The following WDR41 variants were observed in gnomAD, a reference collection of about 807,000 sequenced individuals.
WDR41 encodes the protein WD repeat domain 41.
WDR41 carries 63 observed loss-of-function variants against 69.3 expected under a neutral mutation model. That is an observed-to-expected ratio of 0.91 (90% CI 0.74 to 1.12). The LOEUF is 1.12. Among genes scored for constraint, WDR41 ranks in the 50% most tolerant of loss-of-function variants. The probability of loss-of-function intolerance (pLI) is 0.00; values close to 1 mark genes in which losing one functional copy is unlikely to be tolerated. For missense variants in WDR41, 543 were observed against 534.5 expected, an observed-to-expected ratio of 1.02 and a Z score of -0.16; for synonymous variants, 185 against 192.1, an observed-to-expected ratio of 0.96 and a Z score of 0.31.
chr5:77,590,087 GTTTT>G (rs1310693458), intron 1 of WDR41, among the ~76,000 whole-genome samples: 1 of 151,926 alleles, frequency 6.6e-6, no homozygotes, highest in Non-Finnish European at 1.5e-5. Context: ...TATGGAGGAG[GTTTT>G]TTGTCTTTTA....
At chr5:77,610,487 TG>T (rs1401792531) in intron 1 of WDR41, among the ~76,000 whole-genome samples, 2 of 151,808 alleles carry the variant, frequency 1.3e-5, no homozygotes, top group East Asian at 3.9e-4. Flanking sequence ...CAGAAGAGAG[TG>T]GGGGCCAATA....
chr5:77,591,374 C>T (rs1284585655), intron 1 of WDR41, among the ~76,000 whole-genome samples: 1 of 151,986 alleles, frequency 6.6e-6, no homozygotes, highest in Non-Finnish European at 1.5e-5. Context: ...TTTATTTTCT[C>T]TATTGTACCT....
intron 1 of WDR41, among the ~76,000 whole-genome samples, chr5:77,587,045 C>G (rs1221066002): frequency 5.0e-5 from 1 of 20,054 alleles, no homozygotes; most frequent in African/African-American, 9.7e-4. Context: ...GGTTAACCTA[C>G]TCATGAAACC....
chr5:77,594,696 CT>C (rs1744194733), intron 1 of WDR41, among the ~76,000 whole-genome samples: 2 of 152,172 alleles, frequency 1.3e-5, no homozygotes, highest in South Asian at 4.1e-4. Flanking sequence ...CAACCTTCTC[CT>C]TTCTATGGTA....
At position 77,526,751 on chromosome 5, in the gene WDR41, T is replaced by G. The variant is rs115059449; in HGVS notation, c.43-37179A>C. Among the ~76,000 whole-genome samples the G allele has an allele frequency of 4.7e-3, 719 of 152,246 alleles. 1 individual carries two copies. The highest frequency in any genetic ancestry group is 0.017 in the African/African-American group (693 of 41,566). On this transcript the variant is annotated intron_variant, in intron 1 of 5. Transcript: ENST00000509971. The stretch of plus-strand genomic sequence containing the variant: ...ATTCCATTAAAAAGGCCTTTTTATA[T>G]CACAGATAAAATCACACTTGCTATA...
At chr5:77,528,730 A>G (rs556044283) in intron 1 of WDR41, among the ~76,000 whole-genome samples, 1 of 151,796 alleles carries the variant, frequency 6.6e-6, no homozygotes, top group African/African-American at 2.4e-5. Flanking sequence ...GTACTAACAC[A>G]CTAAAACCAA....
chr5:77,578,533 T>TG (rs2112286091), intron 1 of WDR41, among the ~76,000 whole-genome samples: 1 of 152,242 alleles, frequency 6.6e-6, no homozygotes, highest in East Asian at 1.9e-4. Flanking sequence ...GTGGATTTAA[T>TG]GGAAAAGACT....
chr5:77,450,496 A>G (rs537668032), intron 7 of WDR41, among the ~76,000 whole-genome samples: 1 of 152,340 alleles, frequency 6.6e-6, no homozygotes, highest in South Asian at 2.1e-4. Flanking sequence ...AAACTAGTAT[A>G]AATCCTAACT....
chr5:77,620,052 G>A (rs1359950859), intron 1 of WDR41, among the ~76,000 whole-genome samples: 1 of 152,048 alleles, frequency 6.6e-6, no homozygotes, highest in Non-Finnish European at 1.5e-5. Context: ...AATATACAGT[G>A]TAAATAATAA....
intron 1 of WDR41, among the ~76,000 whole-genome samples, chr5:77,522,336 G>A (rs1447539971): frequency 6.6e-6 from 1 of 152,090 alleles, no homozygotes; most frequent in Non-Finnish European, 1.5e-5. Flanking sequence ...AGGGAAGAAG[G>A]AATCTTTAAA....
intron 1 of WDR41, among the ~76,000 whole-genome samples, chr5:77,500,561 C>CA (rs1249566955): frequency 1.3e-5 from 2 of 152,158 alleles, no homozygotes; most frequent in African/African-American, 4.8e-5. Context: ...ACCCTACACA[C>CA]AAAAATTTAA....
chr5:77,539,940 TC>T (rs1325396046), intron 1 of WDR41, among the ~76,000 whole-genome samples: 1 of 152,164 alleles, frequency 6.6e-6, no homozygotes, highest in Non-Finnish European at 1.5e-5. Flanking sequence ...TAAGATTTTT[TC>T]CTCCCAGTGA....
intron 1 of WDR41, among the ~76,000 whole-genome samples, chr5:77,553,606 T>C (rs1381295314): frequency 6.6e-6 from 1 of 151,738 alleles, no homozygotes; most frequent in Non-Finnish European, 1.5e-5. Context: ...CTCTCAAAAC[T>C]CAACATTAAA....
intron 8 of WDR41, among the ~76,000 whole-genome samples, chr5:77,448,262 A>G (rs1799466537): frequency 6.6e-6 from 1 of 152,308 alleles, no homozygotes; most frequent in Non-Finnish European, 1.5e-5. Flanking sequence ...GAGGCTTCAG[A>G]GGGCTTCCCA....
intron 1 of WDR41, among the ~76,000 whole-genome samples, chr5:77,585,809 T>C (rs1018446893): frequency 5.9e-5 from 9 of 152,048 alleles, no homozygotes; most frequent in African/African-American, 2.2e-4. Context: ...ACCATGGACT[T>C]TGGGGACTTG....
chr5:77,579,052 C>CA (rs558044335), intron 1 of WDR41, among the ~76,000 whole-genome samples: 3 of 151,144 alleles, frequency 2.0e-5, no homozygotes, highest in East Asian at 1.9e-4. Context: ...AACTGGCAGA[C>CA]AAAAAAACAG....
chr5:77,539,299 A>G (rs1318445924), intron 1 of WDR41, among the ~76,000 whole-genome samples: 1 of 152,192 alleles, frequency 6.6e-6, no homozygotes, highest in African/African-American at 2.4e-5. Flanking sequence ...ATATCAATTC[A>G]TATTCTTTGT....
intron 1 of WDR41, among the ~76,000 whole-genome samples, chr5:77,515,911 T>C (rs780740794): frequency 6.6e-6 from 1 of 152,222 alleles, no homozygotes; most frequent in South Asian, 2.1e-4. Flanking sequence ...ACTTAGCCAG[T>C]CCCCATATTG....
chr5:77,464,876 T>C (rs1000679396), intron 2 of WDR41, 67 bp from the exon 3 acceptor site: 2 of 1,477,866 alleles, frequency 1.4e-6, no homozygotes, highest in Middle Eastern at 1.7e-4. Flanking sequence ...GATTAAGAAC[T>C]ATCAAACCTT....
Sources: allele counts gnomAD v4.1 joint callset (sites outside exome capture counted in the v4.1 genomes callset), GRCh38; gene constraint gnomAD v4.1.1; transcripts MANE v1.5; gene names NCBI Gene and HGNC (gene_info 2026-07-23, HGNC 2026-07-21).